Variants in ATXN1 observed in about 807,000 individuals in gnomAD.
ATXN1 encodes the protein ataxin 1.
Under a neutral mutation model 56.4 loss-of-function variants are expected in ATXN1, and 8 were observed. That is an observed-to-expected ratio of 0.14 (90% CI 0.08 to 0.26). The LOEUF is 0.26. Ranked by LOEUF, ATXN1 falls within the 10% of genes least tolerant of loss-of-function variation. The pLI, the probability that ATXN1 is intolerant of heterozygous loss-of-function variation, is 1.00. For synonymous variants in ATXN1, 514 were observed against 494.6 expected, an observed-to-expected ratio of 1.04 and a Z score of -0.52; for missense variants, 987 against 1,106.5, an observed-to-expected ratio of 0.89 and a Z score of 1.53.
chr6:16,494,762 C>T (rs1367094306), intron 5 of ATXN1, among the ~76,000 whole-genome samples: 3 of 152,186 alleles, frequency 2.0e-5, no homozygotes, highest in Non-Finnish European at 4.4e-5. Context: ...AGCTGTAGAA[C>T]GACGTCTCAG....
chr6:16,569,528 G>GAAAAAAAA (rs60416047), intron 4 of ATXN1, among the ~76,000 whole-genome samples: 1 of 96,404 alleles, frequency 1.0e-5, no homozygotes. Context: ...CTCCGTCTCA[G>GAAAAAAAA]AAAAAAAAAA....
intron 1 of ATXN1, 50 bp downstream of exon 1, chr6:16,761,248 A>T (rs1467704644): frequency 1.2e-5 from 5 of 414,856 alleles, no homozygotes; most frequent in Middle Eastern, 4.2e-4. Flanking sequence ...GGAGAAGGGA[A>T]TGGGGGAGGG....
chr6:16,549,808 A>G (rs962350990), intron 4 of ATXN1, among the ~76,000 whole-genome samples: 1 of 151,614 alleles, frequency 6.6e-6, no homozygotes, highest in Non-Finnish European at 1.5e-5. Context: ...CAGGCAGTAG[A>G]ATAACTTGAA....
chr6:16,359,395 G>A (rs573370564), intron 6 of ATXN1, among the ~76,000 whole-genome samples: 1 of 152,326 alleles, frequency 6.6e-6, no homozygotes, highest in South Asian at 2.1e-4. Flanking sequence ...CAGGCAGGAG[G>A]ATGGCCAGGG....
intron 4 of ATXN1, among the ~76,000 whole-genome samples, chr6:16,539,201 T>C (rs1374048547): frequency 1.3e-5 from 2 of 152,260 alleles, no homozygotes; most frequent in Admixed American, 6.5e-5. Flanking sequence ...TAATGATTCA[T>C]TCCACTTTTC....
chr6:16,621,462 C>T (rs554683446), intron 3 of ATXN1, among the ~76,000 whole-genome samples: 1 of 152,378 alleles, frequency 6.6e-6, no homozygotes, highest in South Asian at 2.1e-4. Context: ...CGGCTCATGC[C>T]TGTAATCCCA....
At chr6:16,317,426 GC>G (rs1455644288) in intron 7 of ATXN1, among the ~76,000 whole-genome samples, 1 of 151,994 alleles carries the variant, frequency 6.6e-6, no homozygotes, top group Non-Finnish European at 1.5e-5. Context: ...CCAGGTTCAA[GC>G]AATTCTCCTG....
Position 16,630,846 on chromosome 6 carries a change from AT to A in ATXN1, c.-489+26929del, listed in dbSNP as rs1763491253. On this transcript the variant is annotated intron_variant, in intron 3 of 7. Transcript: ENST00000436367. ...CAGATTGATACTCAGAAGTATTGCT[AT>A]TAATAGAAATAATATTAGAGAGGTT... Among the ~76,000 whole-genome samples the A allele has an allele frequency of 2.6e-5, 4 of 152,240 alleles. No individual in the cohort carries two copies. The South Asian group carries it at 8.3e-4, about 31-fold the overall frequency.
chr6:16,351,864 C>T (rs1761576343), intron 6 of ATXN1, among the ~76,000 whole-genome samples: 1 of 152,186 alleles, frequency 6.6e-6, no homozygotes, highest in African/African-American at 2.4e-5. Flanking sequence ...GTACTACATT[C>T]CTGGTCTTTC....
chr6:16,693,403 A>G (rs11755219), intron 2 of ATXN1, among the ~76,000 whole-genome samples: 48,768 of 151,984 alleles, frequency 0.32, 7,944 homozygotes, highest in Non-Finnish European at 0.35. Flanking sequence ...AAGACAAGGT[A>G]TGTGAAAGGG....
chr6:16,364,796 C>T (rs1195865031), intron 6 of ATXN1, among the ~76,000 whole-genome samples: 2 of 98,838 alleles, frequency 2.0e-5, no homozygotes, highest in Non-Finnish European at 3.9e-5. Context: ...GGGATCCACT[C>T]GTTCAGATTA....
At chr6:16,643,684 C>A (rs1763750742) in intron 3 of ATXN1, among the ~76,000 whole-genome samples, 1 of 149,184 alleles carries the variant, frequency 6.7e-6, no homozygotes. Context: ...AGCCTGCTTG[C>A]AGAAATTCTG....
At chr6:16,753,189 C>G (rs1760777853) in intron 2 of ATXN1, 44 bp downstream of exon 2, 4 of 455,628 alleles carry the variant, frequency 8.8e-6, no homozygotes, top group Non-Finnish European at 1.8e-5. Flanking sequence ...CAGGTCAGGA[C>G]TTTATCCTCA....
chr6:16,402,262 T>G (rs1395543838), intron 6 of ATXN1, among the ~76,000 whole-genome samples: 3 of 142,558 alleles, frequency 2.1e-5, no homozygotes, highest in African/African-American at 5.4e-5. Flanking sequence ...TTTTTTTTTT[T>G]TTTTTTTTTT....
rs1347634426 is a variant in ATXN1, at chr6:16,617,762, G to A, written c.-488-31855C>T. On this transcript the variant is annotated intron_variant, in intron 3 of 7. Transcript: ENST00000436367. ...TGCCTGGGCAATAGAGAGAAACTCTGTCTCAAAAAAAAAAAAAAAAGAAAT... is the reference window on the plus strand; with the variant it reads ...TGCCTGGGCAATAGAGAGAAACTCTATCTCAAAAAAAAAAAAAAAAGAAAT... 1.5e-4 allele frequency among the ~76,000 whole-genome samples: 4 copies of A among 26,070 alleles called. No individual in the cohort carries two copies. In the East Asian group the frequency reaches 0.016, roughly 104 times the overall value. 17.1% of individuals were successfully genotyped at this position (26,070 alleles called of 152,430 possible).
intron 7 of ATXN1, among the ~76,000 whole-genome samples, chr6:16,320,092 T>C (rs1054687930): frequency 1.3e-5 from 2 of 152,196 alleles, no homozygotes; most frequent in Non-Finnish European, 2.9e-5. Flanking sequence ...CAAGTGGGTC[T>C]GCCTTGGCTG....
At chr6:16,740,695 A>T (rs1202965908) in intron 2 of ATXN1, among the ~76,000 whole-genome samples, 4 of 152,180 alleles carry the variant, frequency 2.6e-5, no homozygotes, top group South Asian at 2.1e-4. Flanking sequence ...ATAATTTTTT[A>T]TTTATTTATT....
chr6:16,759,613 T>G (rs954943874), intron 1 of ATXN1, among the ~76,000 whole-genome samples: 18 of 149,786 alleles, frequency 1.2e-4, no homozygotes, highest in Admixed American at 3.4e-4. Flanking sequence ...ATTACCCTTT[T>G]ATCTGTAGGA....
intron 2 of ATXN1, among the ~76,000 whole-genome samples, chr6:16,679,498 T>C (rs1758768908): frequency 6.6e-6 from 1 of 152,104 alleles, no homozygotes; most frequent in South Asian, 2.1e-4. Context: ...GGAGTGAGTT[T>C]TTATGTGGGC....
Sources: gnomAD v4.1 joint callset for allele counts (sites outside exome capture counted in the v4.1 genomes callset) on GRCh38, gnomAD v4.1.1 for gene constraint, MANE v1.5 for transcripts, NCBI Gene and HGNC (gene_info 2026-07-23, HGNC 2026-07-21) for gene names.